The following SIPA1L1 variants were observed in gnomAD, a reference collection of about 807,000 sequenced individuals.
The protein encoded by SIPA1L1 is signal induced proliferation associated 1 like 1, also known as signal-induced proliferation-associated 1-like protein 1.
A neutral mutation model predicts 162.7 loss-of-function variants in SIPA1L1; 26 were observed. That is an observed-to-expected ratio of 0.16 (90% CI 0.12 to 0.22). The LOEUF is 0.22. SIPA1L1 is among the 10% of genes least tolerant of loss of function. The pLI is 1.00. For missense variants in SIPA1L1, 1,874 were observed against 2,241.0 expected (o/e 0.84, Z 3.31); for synonymous variants, 829 against 837.4 (o/e 0.99, Z 0.17).
intron 2 of SIPA1L1, among the ~76,000 whole-genome samples, chr14:71,481,209 TG>T (rs899496567): frequency 6.6e-6 from 1 of 152,220 alleles, no homozygotes; most frequent in Non-Finnish European, 1.5e-5. Flanking sequence ...CTGGGAGTGG[TG>T]GCTCACGCCT....
intron 2 of SIPA1L1, among the ~76,000 whole-genome samples, chr14:71,491,088 G>C (rs1332162611): frequency 1.3e-5 from 2 of 151,944 alleles, no homozygotes; most frequent in Non-Finnish European, 2.9e-5. Context: ...ACAGGATGTC[G>C]ATATTTAAAA....
rs1397027272 is a variant in SIPA1L1 at position 71,671,416 on chromosome 14, C to T, written c.2553C>T (p.Ala851=). 3.7e-6 allele frequency: 6 copies of T among 1,614,068 alleles called. No homozygotes were observed. Among genetic ancestry groups the T allele is most frequent in the Middle Eastern group, 1.6e-4 (1 of 6,084 alleles). ...AAAAGTCTAAGCCATATCCAGGAGC[C>T]GAGCTCAGCAGCATGGGGGCCATTG... is the stretch of plus-strand genomic sequence containing the variant. The part of the protein sequence containing the change: ...KKEKSKPYPG[A]ELSSMGAIVW... The change falls in exon 11 of 24, where the codon GCC becomes GCT. Residue 851 remains alanine, a synonymous_variant. Transcript: ENST00000381232.
intron 16 of SIPA1L1, among the ~76,000 whole-genome samples, chr14:71,707,090 A>G (rs1016196947): frequency 6.6e-6 from 1 of 151,484 alleles, no homozygotes; most frequent in East Asian, 1.9e-4. Context: ...CCCTTAGCCA[A>G]TGAAGAGCCT....
At chr14:71,417,004 G>A (rs567101539) in intron 2 of SIPA1L1, among the ~76,000 whole-genome samples, 115 of 151,986 alleles carry the variant, frequency 7.6e-4, no homozygotes, top group Non-Finnish European at 1.4e-3. Flanking sequence ...TTCTCCGTTG[G>A]CCTCCTGAAG....
intron 17 of SIPA1L1, among the ~76,000 whole-genome samples, chr14:71,719,382 A>G (rs1372476216): frequency 6.6e-6 from 1 of 152,214 alleles, no homozygotes; most frequent in Non-Finnish European, 1.5e-5. Context: ...AGTGGTCATA[A>G]CAAGTAGCAC....
chr14:71,424,358 G>A (rs2043407505), intron 2 of SIPA1L1, among the ~76,000 whole-genome samples: 1 of 152,102 alleles, frequency 6.6e-6, no homozygotes, highest in South Asian at 2.1e-4. Context: ...CGTGATGTTA[G>A]AGGAAAAGCT....
chr14:71,722,170 T>C (rs1395829662), intron 17 of SIPA1L1, among the ~76,000 whole-genome samples: 1 of 152,192 alleles, frequency 6.6e-6, no homozygotes, highest in Non-Finnish European at 1.5e-5. Context: ...TTTCCCACCC[T>C]CTTCAGTGGT....
At chr14:71,674,854 G>A (rs962686274) in intron 12 of SIPA1L1, among the ~76,000 whole-genome samples, 10 of 151,574 alleles carry the variant, frequency 6.6e-5, no homozygotes, top group African/African-American at 2.2e-4. Context: ...GTGAGCCACC[G>A]CGCCCGGCCG....
chr14:71,538,684 T>C (rs1244342733), intron 4 of SIPA1L1, among the ~76,000 whole-genome samples: 1 of 152,158 alleles, frequency 6.6e-6, no homozygotes, highest in East Asian at 1.9e-4. Context: ...GACGGCAAAG[T>C]AGTCCCATTT....
intron 2 of SIPA1L1, among the ~76,000 whole-genome samples, chr14:71,415,552 G>A (rs942854989): frequency 3.9e-5 from 6 of 152,182 alleles, no homozygotes; most frequent in Non-Finnish European, 7.3e-5. Context: ...CTTCGAGAGG[G>A]AAGAAAAGTC....
At position 71,335,982 on chromosome 14, in the gene SIPA1L1, G is replaced by A. The variant is rs544739051; in HGVS notation, c.-465+14801G>A. ...TCAATTGTAACAACTAATTTAAAGGGGATCTATATGTTTAAATCTGTATCT... is the reference window on the plus strand; with the variant it reads ...TCAATTGTAACAACTAATTTAAAGGAGATCTATATGTTTAAATCTGTATCT... On this transcript the variant is annotated intron_variant, in intron 2 of 23. Coordinates refer to ENST00000381232, the MANE Select transcript of SIPA1L1 (RefSeq NM_001386936.1). Among the ~76,000 whole-genome samples, 40 of 152,198 alleles carry A rather than the reference G, an allele frequency of 2.6e-4. 1 individual carries two copies. Among genetic ancestry groups the A allele is most frequent in the Middle Eastern group, 6.8e-3 (2 of 294 alleles).
chr14:71,385,949 G>A (rs147223776), intron 2 of SIPA1L1, among the ~76,000 whole-genome samples: 134 of 152,288 alleles, frequency 8.8e-4, no homozygotes, highest in African/African-American at 2.5e-3. Flanking sequence ...GCCTCCCAAA[G>A]TGCTGGGATT....
At chr14:71,671,756 A>G (rs1207036052) in intron 11 of SIPA1L1, 64 bp downstream of exon 11, 3 of 1,254,834 alleles carry the variant, frequency 2.4e-6, no homozygotes, top group Admixed American at 2.4e-5. Context: ...AATACAGACT[A>G]GAGCCAAGTT....
chr14:71,345,049 C>T (rs1290639823), intron 2 of SIPA1L1, among the ~76,000 whole-genome samples: 2 of 152,074 alleles, frequency 1.3e-5, no homozygotes, highest in Non-Finnish European at 2.9e-5. Flanking sequence ...AACATTTTCC[C>T]CTGGGTGTCT....
At chr14:71,593,503 A>G (rs146844774) in intron 5 of SIPA1L1, among the ~76,000 whole-genome samples, 210 of 152,214 alleles carry the variant, frequency 1.4e-3, no homozygotes, top group Non-Finnish European at 2.5e-3. Flanking sequence ...GAGCCACCGT[A>G]CCTGGCCTTT....
chr14:71,489,907 G>C (rs1400364081), intron 2 of SIPA1L1, among the ~76,000 whole-genome samples: 2 of 152,116 alleles, frequency 1.3e-5, no homozygotes, highest in Non-Finnish European at 2.9e-5. Context: ...CTGGAAGTCA[G>C]TTTATCATAT....
chr14:71,379,713 T>G (rs928040936), intron 2 of SIPA1L1: 5 of 152,326 alleles, frequency 3.3e-5, no homozygotes, highest in African/African-American at 9.6e-5. Flanking sequence ...TGTGCGCGCG[T>G]GCGCGTATGG....
intron 2 of SIPA1L1, among the ~76,000 whole-genome samples, chr14:71,480,115 C>A (rs1227224819): frequency 6.7e-6 from 1 of 150,336 alleles, no homozygotes; most frequent in African/African-American, 2.5e-5. Context: ...CGGAGTCTTG[C>A]TCTGTTGCCC....
At chr14:71,545,665 A>G (rs1440621511) in intron 4 of SIPA1L1, among the ~76,000 whole-genome samples, 2 of 151,960 alleles carry the variant, frequency 1.3e-5, no homozygotes, top group Non-Finnish European at 1.5e-5. Flanking sequence ...TTCCTTTTCC[A>G]TCTTTATACA....
Sources: gnomAD v4.1 joint callset for allele counts (sites outside exome capture counted in the v4.1 genomes callset) on GRCh38, gnomAD v4.1.1 for gene constraint, MANE v1.5 for transcripts, NCBI Gene and HGNC (gene_info 2026-07-23, HGNC 2026-07-21) for gene names.